Variants in PRKCA observed in about 807,000 individuals in gnomAD.
PRKCA encodes protein kinase C alpha, also known as protein kinase C alpha type.
Under a neutral mutation model 87.0 loss-of-function variants are expected in PRKCA, and 27 were observed. The observed-to-expected ratio is 0.31, with a 90% CI of 0.23 to 0.43. The LOEUF is 0.43. Among genes scored for constraint, PRKCA ranks in the 20% least tolerant of loss-of-function variants. The pLI is 1.00. For synonymous variants in PRKCA, 329 were observed against 311.1 expected, an observed-to-expected ratio of 1.06 and a Z score of -0.61; for missense variants, 518 against 852.3, an observed-to-expected ratio of 0.61 and a Z score of 4.88.
chr17:66,392,046 C>T (rs186875925), intron 2 of PRKCA, among the ~76,000 whole-genome samples: 119 of 152,136 alleles, frequency 7.8e-4, no homozygotes, highest in Non-Finnish European at 1.1e-3. Flanking sequence ...CTGGCTGACA[C>T]GGTGAAACCC....
chr17:66,554,568 C>G (rs573081717), intron 3 of PRKCA: 1 of 948,218 alleles, frequency 1.1e-6, no homozygotes, highest in African/African-American at 1.9e-5. Context: ...AGATCCTACT[C>G]ACTCTCCGAA....
chr17:66,332,989 C>T (rs1398323196), intron 2 of PRKCA, among the ~76,000 whole-genome samples: 1 of 152,206 alleles, frequency 6.6e-6, no homozygotes, highest in Non-Finnish European at 1.5e-5. Flanking sequence ...ACGTGCCTGG[C>T]CGGTTCCTGA....
chr17:66,376,031 G>C (rs1050718383), intron 2 of PRKCA, among the ~76,000 whole-genome samples: 1 of 152,170 alleles, frequency 6.6e-6, no homozygotes, highest in Non-Finnish European at 1.5e-5. Flanking sequence ...TATATTTATT[G>C]ACTTCCTTCT....
intron 5 of PRKCA, among the ~76,000 whole-genome samples, chr17:66,680,281 G>A (rs1338671525): frequency 6.6e-6 from 1 of 152,192 alleles, no homozygotes; most frequent in African/African-American, 2.4e-5. Context: ...TGCCTGGTGT[G>A]GAGTAGGATT....
chr17:66,691,313 T>C (rs550044203), intron 8 of PRKCA, among the ~76,000 whole-genome samples: 16 of 152,180 alleles, frequency 1.1e-4, no homozygotes, highest in Non-Finnish European at 2.2e-4. Flanking sequence ...ACAATATGTA[T>C]AAATAAAAAG....
intron 2 of PRKCA, among the ~76,000 whole-genome samples, chr17:66,351,074 G>A (rs1243062921): frequency 6.6e-6 from 1 of 152,238 alleles, no homozygotes; most frequent in East Asian, 1.9e-4. Flanking sequence ...AAGAAACTCT[G>A]AGTGGACAGG....
intron 2 of PRKCA, among the ~76,000 whole-genome samples, chr17:66,319,143 A>G (rs1342021617): frequency 6.6e-6 from 1 of 152,004 alleles, no homozygotes; most frequent in Non-Finnish European, 1.5e-5. Context: ...CCCCCACCCA[A>G]AAAAAGGCTT....
At chr17:66,461,481 C>G (rs998979234) in intron 2 of PRKCA, among the ~76,000 whole-genome samples, 1 of 152,104 alleles carries the variant, frequency 6.6e-6, no homozygotes. Flanking sequence ...TTTCAAATAT[C>G]CTTCATTTTC....
At chr17:66,632,809 C>T (rs925059402) in intron 3 of PRKCA, among the ~76,000 whole-genome samples, 5 of 152,086 alleles carry the variant, frequency 3.3e-5, no homozygotes, top group Admixed American at 6.5e-5. Context: ...GTTTATTTAG[C>T]CATTGCCTTG....
chr17:66,345,433 T>C (rs1471634432), intron 2 of PRKCA, among the ~76,000 whole-genome samples: 3 of 152,208 alleles, frequency 2.0e-5, no homozygotes, highest in Admixed American at 6.5e-5. Context: ...TGTTTATATA[T>C]GCCATCACTT....
At chr17:66,307,640 G>A (rs201642738) in intron 2 of PRKCA, among the ~76,000 whole-genome samples, 7 of 152,070 alleles carry the variant, frequency 4.6e-5, no homozygotes, top group African/African-American at 1.2e-4. Flanking sequence ...TCTTAGACCC[G>A]CTCATCTGAG....
At chr17:66,507,831 C>T (rs372206389) in intron 3 of PRKCA, among the ~76,000 whole-genome samples, 7 of 152,104 alleles carry the variant, frequency 4.6e-5, no homozygotes, top group African/African-American at 1.7e-4. Context: ...ACTTCTAAGC[C>T]GAGTCCCATT....
At chr17:66,652,158 C>T (rs537767916) in intron 5 of PRKCA, among the ~76,000 whole-genome samples, 12 of 152,236 alleles carry the variant, frequency 7.9e-5, no homozygotes, top group African/African-American at 2.6e-4. Flanking sequence ...AAGGTTCCAC[C>T]ATGTTAGCTA....
intron 16 of PRKCA, among the ~76,000 whole-genome samples, chr17:66,798,411 T>C (rs1397436694): frequency 8.2e-6 from 1 of 121,878 alleles, no homozygotes; most frequent in African/African-American, 3.2e-5. Flanking sequence ...GTGGTGATGG[T>C]GATGGTGGTG....
intron 2 of PRKCA, among the ~76,000 whole-genome samples, chr17:66,327,195 T>C (rs1906031087): frequency 6.6e-6 from 1 of 151,742 alleles, no homozygotes; most frequent in African/African-American, 2.4e-5. Context: ...TGAAACCCCG[T>C]CTCTACTAAA....
intron 2 of PRKCA, among the ~76,000 whole-genome samples, chr17:66,410,809 C>T (rs1911747815): frequency 6.6e-6 from 1 of 152,218 alleles, no homozygotes; most frequent in Non-Finnish European, 1.5e-5. Flanking sequence ...CTCCTGACCT[C>T]AGGCGATCCG....
At chr17:66,448,176 C>T (rs1253508067) in intron 2 of PRKCA, among the ~76,000 whole-genome samples, 3 of 152,064 alleles carry the variant, frequency 2.0e-5, no homozygotes, top group Non-Finnish European at 4.4e-5. Context: ...AAGTTGATAT[C>T]GTGCTGTTAT....
intron 3 of PRKCA, among the ~76,000 whole-genome samples, chr17:66,517,330 C>G (rs533945476): frequency 3.9e-4 from 59 of 152,172 alleles, no homozygotes; most frequent in Non-Finnish European, 7.8e-4. Flanking sequence ...ATTTTCCTGA[C>G]TACTCCCTGT....
At chr17:66,373,021 T>G (rs754114367) in intron 2 of PRKCA, among the ~76,000 whole-genome samples, 3 of 152,054 alleles carry the variant, frequency 2.0e-5, no homozygotes, top group Non-Finnish European at 4.4e-5. Flanking sequence ...ATTGCGCCAC[T>G]GCACTCCAGC....
Sources: allele counts gnomAD v4.1 joint callset (sites outside exome capture counted in the v4.1 genomes callset), GRCh38; gene constraint gnomAD v4.1.1; transcripts MANE v1.5; gene names NCBI Gene and HGNC (gene_info 2026-07-23, HGNC 2026-07-21).